The following STAG2 variants were observed in gnomAD, a reference collection of about 807,000 sequenced individuals.
STAG2 encodes the protein cohesin subunit SA-2.
A neutral mutation model predicts 108.1 loss-of-function variants in STAG2; 14 were observed. That is an observed-to-expected ratio of 0.13 (90% CI 0.09 to 0.20). The LOEUF (loss-of-function observed/expected upper bound fraction) is 0.20, where lower values mean the gene tolerates loss of function less well. Among genes scored for constraint, STAG2 ranks in the 10% least tolerant of loss-of-function variants. The pLI is 1.00. For missense variants in STAG2, 440 were observed against 940.9 expected (o/e 0.47, Z 6.96); for synonymous variants, 307 against 302.7 (o/e 1.01, Z -0.15).
chrX:124,037,495 C>G, intron 5 of STAG2, 32 bp from the exon 6 acceptor site: 1 of 984,874 alleles, frequency 1.0e-6, no homozygotes, highest in Non-Finnish European at 1.4e-6. Context: ...TTAGAAGAAG[C>G]TAATGATTTT....
intron 25 of STAG2, among the ~76,000 whole-genome samples, chrX:124,074,225 T>C (rs1173516477): frequency 8.9e-6 from 1 of 112,768 alleles, no homozygotes; most frequent in Non-Finnish European, 1.9e-5. Context: ...AGTTTTCCTT[T>C]TTGAATTTAC....
At chrX:123,999,001 C>T (rs375414644) in intron 1 of STAG2, among the ~76,000 whole-genome samples, 1 of 110,701 alleles carries the variant, frequency 9.0e-6, no homozygotes, top group South Asian at 3.8e-4. Flanking sequence ...GTCTGTAGTC[C>T]CAGCTATTCA....
At chrX:124,093,525 G>T (rs933157786) in intron 32 of STAG2, among the ~76,000 whole-genome samples, 1 of 99,654 alleles carries the variant, frequency 1.0e-5, no homozygotes, top group African/African-American at 3.7e-5. Context: ...AGCCTGTCAC[G>T]TAGTAGGCAT....
chrX:124,061,009 AATG>A (rs1388498207), intron 15 of STAG2, among the ~76,000 whole-genome samples: 2 of 109,634 alleles, frequency 1.8e-5, no homozygotes, highest in Non-Finnish European at 3.8e-5. Context: ...TTAATGTTTT[AATG>A]ATAATTGTTA....
chrX:124,065,702 T>G (rs1489063508), intron 20 of STAG2, among the ~76,000 whole-genome samples, 174 bp from the exon 21 acceptor site: 1 of 111,994 alleles, frequency 8.9e-6, no homozygotes, highest in Non-Finnish European at 1.9e-5. Context: ...AAACTTGTGT[T>G]GACTTACTTC....
At chrX:124,031,208 A>G in intron 5 of STAG2, 83 bp downstream of exon 5, 14 of 985,852 alleles carry the variant, frequency 1.4e-5, no homozygotes, top group Non-Finnish European at 1.9e-5. Context: ...TGATTTTTCT[A>G]ATTGCATTTT....
At chrX:124,048,551 T>G (rs1172628221) in intron 9 of STAG2, among the ~76,000 whole-genome samples, 5 of 111,445 alleles carry the variant, frequency 4.5e-5, no homozygotes, top group African/African-American at 1.6e-4. Flanking sequence ...TGCCTCAGCC[T>G]CCTCAGTAGC....
In STAG2 at chrX:124,086,601, T is replaced by C. The variant is rs2059114787; in HGVS notation, c.3108T>C (p.Asp1036=). The change falls in exon 30 of 35, where the codon GAT becomes GAC. Residue 1036 remains aspartate (D), a synonymous_variant. Coordinates refer to ENST00000371145, the MANE Select transcript of STAG2 (RefSeq NM_001042750.2). ...MTFQMSLRRE[D]VWLPLMSYRN... ...TTCAGATGTCACTCCGAAGAGAGGA[T>C]GTGTGGCTTCCACTGATGTCTTACC... 1 of 1,210,190 alleles carries C rather than the reference T, an allele frequency of 8.3e-7. No homozygotes were observed. Among genetic ancestry groups the C allele is most frequent in the Non-Finnish European group, 1.1e-6 (1 of 895,128 alleles).
intron 1 of STAG2, among the ~76,000 whole-genome samples, chrX:123,999,001 C>A (rs375414644): frequency 1.8e-5 from 2 of 110,701 alleles, no homozygotes; most frequent in Admixed American, 9.6e-5. Flanking sequence ...GTCTGTAGTC[C>A]CAGCTATTCA....
chrX:124,046,962 G>A lies in STAG2; in HGVS notation c.668-392G>A, dbSNP rs372966602. ...TGAACTAAAATTTACTTTAGAAGGT[G>A]AATCATGATCTATGAAAATGATTAT... On this transcript the variant is annotated intron_variant, in intron 8 of 34. Coordinates refer to ENST00000371145, the MANE Select transcript of STAG2 (RefSeq NM_001042750.2). Among the ~76,000 whole-genome samples the A allele has an allele frequency of 3.0e-4, 34 of 111,703 alleles. No individual in the cohort carries two copies. In the South Asian group the frequency reaches 0.011, roughly 35 times the overall value.
At chrX:124,017,660 G>A (rs746964973) in intron 1 of STAG2, among the ~76,000 whole-genome samples, 1 of 111,419 alleles carries the variant, frequency 9.0e-6, no homozygotes, top group African/African-American at 3.3e-5. Flanking sequence ...TTTTGGAGTT[G>A]CAAAGATTCA....
chrX:123,967,827 A>G (rs1349766391), intron 1 of STAG2, among the ~76,000 whole-genome samples: 1 of 111,319 alleles, frequency 9.0e-6, no homozygotes, highest in Non-Finnish European at 1.9e-5. Context: ...CAAAAAAGAT[A>G]CAATAAAAAT....
Position 123,975,684 on chromosome X carries a change from G to A in STAG2, c.-163+13828G>A, listed in dbSNP as rs79209906. Among the ~76,000 whole-genome samples, 29 of 111,470 alleles carry A rather than the reference G, an allele frequency of 2.6e-4. No individual in the cohort carries two copies. The South Asian group carries it at 5.3e-3, about 20-fold the overall frequency. On this transcript the variant is annotated intron_variant, in intron 1 of 34. Coordinates refer to ENST00000371145, the MANE Select transcript of STAG2 (RefSeq NM_001042750.2). ...TCTCCATGTTGGTCAGGCTGGTCTC[G>A]AACTCCCAACCTCAGGTGATCCGCC...
chrX:124,056,338 A>T (rs1267241381), intron 14 of STAG2, 103 bp downstream of exon 14: 1 of 396,869 alleles, frequency 2.5e-6, no homozygotes, highest in Non-Finnish European at 3.9e-6. Flanking sequence ...AACTTATTTT[A>T]AAAATTACTA....
intron 7 of STAG2, among the ~76,000 whole-genome samples, chrX:124,043,137 T>A (rs914983331): frequency 5.5e-5 from 6 of 108,878 alleles, no homozygotes; most frequent in Non-Finnish European, 1.1e-4. Context: ...GTTGTTTTTT[T>A]TTTTCTTTTT....
intron 1 of STAG2, among the ~76,000 whole-genome samples, chrX:123,988,155 G>A (rs1413126425): frequency 8.9e-6 from 1 of 111,872 alleles, no homozygotes; most frequent in East Asian, 2.8e-4. Context: ...GCACTGAAGA[G>A]CATTGGCATT....
upstream of STAG2, chrX:123,960,615 A>G (rs2053803181): frequency 2.1e-5 from 2 of 96,067 alleles, no homozygotes; most frequent in African/African-American, 7.8e-5. Flanking sequence ...AAAAAAAAAA[A>G]AAAAAAAAAA....
chrX:124,026,509 G>T, intron 4 of STAG2: 1 of 196,972 alleles, frequency 5.1e-6, no homozygotes, highest in Non-Finnish European at 1.1e-5. Flanking sequence ...AAGTATATTT[G>T]ACTCTGCATG....
intron 1 of STAG2, among the ~76,000 whole-genome samples, chrX:123,998,349 T>C (rs934323362): frequency 3.8e-5 from 4 of 105,376 alleles, no homozygotes; most frequent in African/African-American, 1.4e-4. Flanking sequence ...TTTTTTTTTT[T>C]AAGTAGAGAT....
Sources: allele counts gnomAD v4.1 joint callset (sites outside exome capture counted in the v4.1 genomes callset), GRCh38; gene constraint gnomAD v4.1.1; transcripts MANE v1.5; gene names NCBI Gene and HGNC (gene_info 2026-07-23, HGNC 2026-07-21).